Variants in TOP2B observed in about 807,000 individuals in gnomAD.
TOP2B encodes the protein DNA topoisomerase II beta, also known as DNA topoisomerase 2-beta.
A neutral mutation model predicts 193.5 loss-of-function variants in TOP2B; 51 were observed. The ratio of observed to expected loss-of-function variants is 0.26; its 90% CI spans 0.21 to 0.33. The LOEUF is 0.33. TOP2B is among the 10% of genes least tolerant of loss of function. The pLI is 1.00. For synonymous variants in TOP2B, 634 were observed against 635.7 expected, an observed-to-expected ratio of 1.00 and a Z score of 0.04; for missense variants, 1,378 against 1,909.3, an observed-to-expected ratio of 0.72 and a Z score of 5.19.
intron 21 of TOP2B, among the ~76,000 whole-genome samples, chr3:25,623,034 T>C (rs981773328): frequency 9.2e-5 from 14 of 152,180 alleles, no homozygotes; most frequent in African/African-American, 2.9e-4. Context: ...TGCCTTGGCC[T>C]CCCAAAGTGC....
At chr3:25,638,456 G>A (rs1332658344) in intron 4 of TOP2B, 146 bp from the exon 5 acceptor site, 27 of 1,044,424 alleles carry the variant, frequency 2.6e-5, no homozygotes, top group Middle Eastern at 3.4e-4. Flanking sequence ...CAATTGGAAG[G>A]CACTGATTCA....
Position 25,619,406 on chromosome 3 carries a change from A to G in TOP2B, c.3063+456T>C, listed in dbSNP as rs1003513162. 4.6e-5 allele frequency among the ~76,000 whole-genome samples: 7 copies of G among 152,148 alleles called. No homozygotes were observed. In the East Asian group the frequency reaches 7.7e-4, roughly 17 times the overall value. ...TGCTGAACTTTTTTTACTTTTTTAG[A>G]TCTAAAAGCTAATTTGGAATGGAAC... On this transcript the variant is annotated intron_variant, in intron 23 of 35. Coordinates refer to ENST00000264331, the MANE Select transcript of TOP2B (RefSeq NM_001330700.2).
In TOP2B at chr3:25,618,877, T is replaced by A. The variant is rs746422019; in HGVS notation, c.3064-28A>T. Reference sequence around the variant, plus strand: ...AAGCAAAACACATATACTTTGCAGATCATATAGATCTGTACTGGTATTTTA... The same window carrying A: ...AAGCAAAACACATATACTTTGCAGAACATATAGATCTGTACTGGTATTTTA... On this transcript the variant is annotated intron_variant, in intron 23 of 35. Coordinates refer to ENST00000264331, the MANE Select transcript of TOP2B (RefSeq NM_001330700.2). The A allele has an allele frequency of 2.0e-6, 3 of 1,524,070 alleles. No homozygotes were observed. The African/African-American group carries it at 4.1e-5, about 21-fold the overall frequency. The allele number at this position is 1,524,070 out of a possible 1,614,324, so 94.4% of individuals were successfully genotyped here.
At chr3:25,624,011 G>T (rs191570829) in intron 20 of TOP2B, among the ~76,000 whole-genome samples, 9 of 152,192 alleles carry the variant, frequency 5.9e-5, no homozygotes, top group Admixed American at 5.9e-4. Context: ...AACTTTTAAA[G>T]AATTTCCTAT....
intron 2 of TOP2B, 83 bp downstream of exon 2, chr3:25,645,213 CAAGT>C: frequency 8.1e-7 from 1 of 1,228,566 alleles, no homozygotes; most frequent in Non-Finnish European, 1.1e-6. Flanking sequence ...ATTTCCAAAG[CAAGT>C]AATTACAATA....
intron 26 of TOP2B, 48 bp downstream of exon 26, chr3:25,615,383 G>C (rs945218639): frequency 6.5e-7 from 1 of 1,535,302 alleles, no homozygotes; most frequent in Non-Finnish European, 8.7e-7. Flanking sequence ...AAAAGATACA[G>C]ATAACACTGA....
chr3:25,648,703 C>CA (rs532594609), intron 1 of TOP2B, among the ~76,000 whole-genome samples: 2,423 of 150,970 alleles, frequency 0.016, 88 homozygotes, highest in Admixed American at 0.092. Context: ...CAAAACAAAA[C>CA]AAAAAAAAAT....
At chr3:25,644,022 C>A (rs187977329) in intron 2 of TOP2B, among the ~76,000 whole-genome samples, 298 of 150,662 alleles carry the variant, frequency 2.0e-3, no homozygotes, top group Middle Eastern at 6.9e-3. Context: ...TAATGTAAGA[C>A]ATCAATAATT....
chr3:25,626,335 G>A (rs375974543), intron 18 of TOP2B, among the ~76,000 whole-genome samples: 17 of 151,862 alleles, frequency 1.1e-4, no homozygotes, highest in East Asian at 9.7e-4. Flanking sequence ...TGAAAAACTC[G>A]GAAAAGGTTT....
At chr3:25,608,319 G>T (rs1028182627) in intron 30 of TOP2B, among the ~76,000 whole-genome samples, 1 of 152,092 alleles carries the variant, frequency 6.6e-6, no homozygotes, top group Admixed American at 6.6e-5. Context: ...ATGTATTATG[G>T]AATAAAATTT....
chr3:25,639,861 G>C (rs1703209704), intron 4 of TOP2B, among the ~76,000 whole-genome samples: 1 of 152,136 alleles, frequency 6.6e-6, no homozygotes, highest in Non-Finnish European at 1.5e-5. Flanking sequence ...ATAAGAGCTA[G>C]GTTGTACTAT....
chr3:25,650,190 G>C (rs540506566), intron 1 of TOP2B, among the ~76,000 whole-genome samples: 1 of 152,204 alleles, frequency 6.6e-6, no homozygotes, highest in Non-Finnish European at 1.5e-5. Context: ...TGTCATGATG[G>C]AGAAAGACTC....
chr3:25,617,909 TGGCTAAAAATCTA>T (rs775835350), intron 25 of TOP2B, among the ~76,000 whole-genome samples: 37 of 152,322 alleles, frequency 2.4e-4, no homozygotes, highest in Non-Finnish European at 4.4e-4. Flanking sequence ...TTTAAATCTC[TGGCTAAAAATCTA>T]AGCATGAGGC....
In TOP2B at chr3:25,664,467, G is replaced by T; in HGVS notation, c.-170C>A. The T allele has an allele frequency of 8.3e-7, 1 of 1,210,770 alleles. No individual in the cohort carries two copies. The highest frequency in any genetic ancestry group is 3.8e-5 in the South Asian group (1 of 26,256). 75.0% of individuals were successfully genotyped at this position (1,210,770 alleles called of 1,614,324 possible). ...CCGGAGCGGACGTCCAGCCGAGCCC[G>T]CTGAGGAGGCCGCGCCGCCGGCTGC... On this transcript the variant is annotated 5_prime_UTR_variant, in exon 1 of 36. Transcript: ENST00000264331.
intron 28 of TOP2B, among the ~76,000 whole-genome samples, chr3:25,611,867 A>G (rs893666633): frequency 1.5e-4 from 23 of 152,196 alleles, no homozygotes; most frequent in Admixed American, 1.4e-3. Context: ...TTATACTTTA[A>G]AGTTGATATA....
intron 32 of TOP2B, among the ~76,000 whole-genome samples, chr3:25,605,497 C>T (rs573320723): frequency 3.3e-4 from 50 of 151,636 alleles, no homozygotes; most frequent in African/African-American, 1.2e-3. Context: ...AGAATATGTA[C>T]CAAATATGTC....
At chr3:25,630,492 C>T (rs1702925096) in intron 11 of TOP2B, 23 bp from the exon 12 acceptor site, 1 of 1,499,090 alleles carries the variant, frequency 6.7e-7, no homozygotes, top group Non-Finnish European at 8.9e-7. Flanking sequence ...TAAAATTATA[C>T]ATAGTAAAAA....
intron 7 of TOP2B, 53 bp from the exon 8 acceptor site, chr3:25,634,067 T>C: frequency 3.7e-6 from 5 of 1,360,474 alleles, no homozygotes; most frequent in South Asian, 1.3e-5. Context: ...GCAGCTCAAA[T>C]AGGTGAATCA....
chr3:25,664,580 G>A lies in TOP2B; in HGVS notation c.-283C>T. On this transcript the variant is annotated 5_prime_UTR_variant, in exon 1 of 36. Coordinates refer to ENST00000264331, the MANE Select transcript of TOP2B (RefSeq NM_001330700.2). ...AGGGAGCGACCGGCGGCGGCCGAGCGGCGGCGTTGCCTTCTCGCCCGCCCG... is the reference window on the plus strand; with the variant it reads ...AGGGAGCGACCGGCGGCGGCCGAGCAGCGGCGTTGCCTTCTCGCCCGCCCG... 1.9e-6 allele frequency: 2 copies of A among 1,037,922 alleles called. No homozygotes were observed. The highest frequency in any genetic ancestry group is 9.2e-5 in the South Asian group (2 of 21,802). 64.3% of individuals were successfully genotyped at this position (1,037,922 alleles called of 1,614,324 possible). A position where few individuals can be genotyped will look rare whatever the true frequency, so the allele number is the denominator to read the frequency against.
Sources: allele counts gnomAD v4.1 joint callset (sites outside exome capture counted in the v4.1 genomes callset), GRCh38; gene constraint gnomAD v4.1.1; transcripts MANE v1.5; gene names NCBI Gene and HGNC (gene_info 2026-07-23, HGNC 2026-07-21).